PPP2R5D: variants seen among roughly 807,000 people sequenced by gnomAD.
The protein encoded by PPP2R5D is serine/threonine-protein phosphatase 2A 56 kDa regulatory subunit delta isoform.
In PPP2R5D, 12 loss-of-function variants were observed where a neutral mutation model predicts 79.1. The observed-to-expected ratio is 0.15, with a 90% CI of 0.10 to 0.25. The LOEUF (loss-of-function observed/expected upper bound fraction) is 0.25. Among genes scored for constraint, PPP2R5D ranks in the 10% least tolerant of loss-of-function variants. PPP2R5D has a pLI of 1.00. For missense variants in PPP2R5D, 419 were observed against 760.2 expected (o/e 0.55, Z 5.28); for synonymous variants, 277 against 286.6 (o/e 0.97, Z 0.34).
intron 2 of PPP2R5D, among the ~76,000 whole-genome samples, chr6:42,995,022 T>A (rs1771540397): frequency 6.6e-6 from 1 of 151,994 alleles, no homozygotes; most frequent in Non-Finnish European, 1.5e-5. Context: ...TGCTTACAAG[T>A]TAAAATCCAA....
rs548194927 is a variant in PPP2R5D, at chr6:43,010,197, G to C, written c.1380-271G>C. 6.6e-6 allele frequency among the ~76,000 whole-genome samples: 1 copy of C among 152,332 alleles called. No individual in the cohort carries two copies. Among genetic ancestry groups the C allele is most frequent in the African/African-American group, 2.4e-5 (1 of 41,568 alleles). On this transcript the variant is annotated intron_variant, in intron 12 of 15. Transcript: ENST00000485511. This position sits in a 1 kb window ranked among gnomAD's most constrained non-coding sequence, Gnocchi z 4.7. ...TGGGAGGCCATTAGTGTGGGTTAGA[G>C]TGGGAAAGGATGGGAGGTAGGCAGG...
In PPP2R5D at chr6:43,006,477, C is replaced by G. The variant is rs1762086551; in HGVS notation, c.120C>G (p.Pro40=). Reference sequence around the variant, plus strand: ...TGTTTGACCAGGCCCAGCCGCAGCCCCAGCCCCAGCCCCAGCCCCAAGCCC... The same window carrying G: ...TGTTTGACCAGGCCCAGCCGCAGCCGCAGCCCCAGCCCCAGCCCCAAGCCC... ...GENTEEAQPQ[P]QPQPQPQAQS... Residue 40 remains proline (P), a synonymous_variant, in exon 3 of 16, where the codon CCC becomes CCG. Coordinates refer to ENST00000485511, the MANE Select transcript of PPP2R5D (RefSeq NM_006245.4). The surrounding 1 kb of genome is among the most constrained non-coding windows in gnomAD (Gnocchi z 4.7). The G allele has an allele frequency of 6.2e-7, 1 of 1,612,828 alleles. No homozygotes were observed. Among genetic ancestry groups the G allele is most frequent in the Non-Finnish European group, 8.5e-7 (1 of 1,179,614 alleles).
chr6:42,990,354 T>A (rs990113941), intron 2 of PPP2R5D, among the ~76,000 whole-genome samples: 1 of 152,190 alleles, frequency 6.6e-6, no homozygotes, highest in Non-Finnish European at 1.5e-5. Context: ...ACATCCTACC[T>A]GGAAACTGGT....
chr6:43,003,408 C>T (rs780512737), intron 2 of PPP2R5D, among the ~76,000 whole-genome samples: 9 of 151,458 alleles, frequency 5.9e-5, no homozygotes, highest in African/African-American at 2.2e-4. Flanking sequence ...GATGACAGAG[C>T]GAGACTCCAT....
rs1249810336 is a variant in PPP2R5D, at chr6:43,009,667, C to T, written c.1379+218C>T. Among the ~76,000 whole-genome samples the T allele has an allele frequency of 6.6e-6, 1 of 152,140 alleles. No individual in the cohort carries two copies. Among genetic ancestry groups the T allele is most frequent in the African/African-American group, 2.4e-5 (1 of 41,424 alleles). ...ACAGCAGGGCAGCGGCCTGTTACAC[C>T]GCTCCTTGGGTTCAGCTATTCTACA... is the stretch of plus-strand genomic sequence containing the variant. On this transcript the variant is annotated intron_variant, in intron 12 of 15. Transcript: ENST00000485511. The surrounding 1 kb of genome is among the most constrained non-coding windows in gnomAD (Gnocchi z 5.6).
chr6:42,984,609 G>C lies in PPP2R5D; in HGVS notation c.-69G>C, dbSNP rs929106871. The C allele has an allele frequency of 3.2e-6, 5 of 1,541,506 alleles. No individual in the cohort carries two copies. The African/African-American group carries it at 4.2e-5, about 13-fold the overall frequency. ...GTGGCGAAGAGACGCCGAGCGGGCC[G>C]AGTGCGGCCGAGCAAAGCCGGAGCC... On this transcript the variant is annotated 5_prime_UTR_variant, in exon 1 of 16. Transcript: ENST00000485511.
At chr6:42,995,333 A>G (rs1771581472) in intron 2 of PPP2R5D, among the ~76,000 whole-genome samples, 1 of 151,320 alleles carries the variant, frequency 6.6e-6, no homozygotes, top group African/African-American at 2.4e-5. Flanking sequence ...GTTTCTTATT[A>G]TGTTGCTAAG....
rs1394755363 is a variant in PPP2R5D, at chr6:43,006,754, G to A, written c.322+75G>A. On this transcript the variant is annotated intron_variant, in intron 3 of 15. Transcript: ENST00000485511. This position sits in a 1 kb window ranked among gnomAD's most constrained non-coding sequence, Gnocchi z 4.7. The stretch of plus-strand genomic sequence containing the variant: ...CGGGAGTTGGTGGAATGGAAGTTTT[G>A]GGGTATTTTGCGGGGAAGGGAGTTC... 2.5e-6 allele frequency: 4 copies of A among 1,583,776 alleles called. No individual in the cohort carries two copies. In the East Asian group the frequency reaches 6.7e-5, roughly 27 times the overall value.
At chr6:42,987,325 A>G (rs1173350352) in intron 1 of PPP2R5D, among the ~76,000 whole-genome samples, 30 of 152,148 alleles carry the variant, frequency 2.0e-4, no homozygotes, top group Non-Finnish European at 4.4e-5. Context: ...AGGGATTCGC[A>G]TCTCTCCTCT....
At position 43,009,572 on chromosome 6, in the gene PPP2R5D, A is replaced by G; in HGVS notation, c.1379+123A>G. On this transcript the variant is annotated intron_variant, in intron 12 of 15. Coordinates refer to ENST00000485511, the MANE Select transcript of PPP2R5D (RefSeq NM_006245.4). The surrounding 1 kb of genome is among the most constrained non-coding windows in gnomAD (Gnocchi z 5.6). ...AGCAAGTGGGGCTGATGTCCCCTGC[A>G]TGTTGATAGGACCTTGAGGGGCTGA... 1 of 1,361,108 alleles carries G rather than the reference A, an allele frequency of 7.3e-7. No individual in the cohort carries two copies. The highest frequency in any genetic ancestry group is 1.0e-6 in the Non-Finnish European group (1 of 982,950). The allele number at this position is 1,361,108 out of a possible 1,614,324, so 84.3% of individuals were successfully genotyped here.
chr6:42,993,732 G>A (rs1225047669), intron 2 of PPP2R5D, among the ~76,000 whole-genome samples: 2 of 152,080 alleles, frequency 1.3e-5, no homozygotes, highest in African/African-American at 4.8e-5. Flanking sequence ...CTCTTCTAAG[G>A]ACACCAGTCA....
chr6:42,997,140 C>T (rs373678314), intron 2 of PPP2R5D, among the ~76,000 whole-genome samples: 193 of 151,864 alleles, frequency 1.3e-3, no homozygotes, highest in African/African-American at 4.1e-3. Context: ...GGATTACAGG[C>T]GCCCGCTACC....
chr6:43,011,243 A>G lies in PPP2R5D; in HGVS notation c.1766A>G (p.Lys589Arg). Residue 589 changes from lysine (K) to arginine (R), a missense_variant, in exon 16 of 16, where the codon AAG becomes AGG. Lys to Arg is a conservative substitution (Grantham distance 26). Transcript: ENST00000485511. ...ACCATCAAGGCACTGGAGGCGCACA[A>G]GCGGGCGGAAGAGTTCCTAACTGCC... is the stretch of plus-strand genomic sequence containing the variant. ...VYTIKALEAH[K>R]RAEEFLTASQ... 1.2e-6 allele frequency: 2 copies of G among 1,614,086 alleles called. No individual in the cohort carries two copies. Among genetic ancestry groups the G allele is most frequent in the Non-Finnish European group, 1.7e-6 (2 of 1,180,008 alleles).
At chr6:42,995,765 GA>G (rs1413982737) in intron 2 of PPP2R5D, among the ~76,000 whole-genome samples, 1 of 150,764 alleles carries the variant, frequency 6.6e-6, no homozygotes, top group African/African-American at 2.4e-5. Flanking sequence ...CCCCAGGCTG[GA>G]GTACAGTGGT....
chr6:43,010,788 T>C lies in PPP2R5D; in HGVS notation c.1554+52T>C. 6.2e-7 allele frequency: 1 copy of C among 1,608,182 alleles called. No individual in the cohort carries two copies. Among genetic ancestry groups the C allele is most frequent in the Admixed American group, 1.7e-5 (1 of 59,956 alleles). ...ACTGAGGGGCCAGCCCATCTTGAGC[T>C]GGGGGAGAGTTTGTTGGGGGAGGAA... On this transcript the variant is annotated intron_variant, in intron 14 of 15. Coordinates refer to ENST00000485511, the MANE Select transcript of PPP2R5D (RefSeq NM_006245.4). The surrounding 1 kb of genome is among the most constrained non-coding windows in gnomAD (Gnocchi z 4.7).
At chr6:42,989,552 GA>G in intron 1 of PPP2R5D, 58 bp from the exon 2 acceptor site, 1 of 1,396,762 alleles carries the variant, frequency 7.2e-7, no homozygotes, top group African/African-American at 1.4e-5. Flanking sequence ...AAGGGAGCCA[GA>G]TAAGACCTCT....
intron 2 of PPP2R5D, among the ~76,000 whole-genome samples, chr6:43,004,225 G>A (rs1761933361): frequency 6.6e-6 from 1 of 151,778 alleles, no homozygotes; most frequent in Admixed American, 6.6e-5. Flanking sequence ...GTTTCACTGT[G>A]TTGTCCAGGC....
chr6:42,986,263 C>G (rs1204339636), intron 1 of PPP2R5D, among the ~76,000 whole-genome samples: 2 of 152,176 alleles, frequency 1.3e-5, no homozygotes, highest in Non-Finnish European at 2.9e-5. Context: ...GTTCCAGCCT[C>G]CCCCAGCTTC....
chr6:43,003,181 G>C lies in PPP2R5D; in HGVS notation c.106-3282G>C, dbSNP rs143281231. 5.7e-3 allele frequency among the ~76,000 whole-genome samples: 861 copies of C among 152,296 alleles called. 6 individuals carry two copies. Among genetic ancestry groups the C allele is most frequent in the African/African-American group, 0.02 (821 of 41,562 alleles). The stretch of plus-strand genomic sequence containing the variant: ...CTCACACCTGTAATCCCAACACTTT[G>C]GGAGGCCGAGGCAGGTGGATTAATT... On this transcript the variant is annotated intron_variant, in intron 2 of 15. Transcript: ENST00000485511.
Sources: allele counts gnomAD v4.1 joint callset (sites outside exome capture counted in the v4.1 genomes callset), GRCh38; gene constraint gnomAD v4.1.1; non-coding constraint Gnocchi (gnomAD v3.1); transcripts MANE v1.5; gene names NCBI Gene and HGNC (gene_info 2026-07-23, HGNC 2026-07-21).